Variants in GRIN2A observed in about 807,000 individuals in gnomAD.
The protein encoded by GRIN2A is glutamate ionotropic receptor NMDA type subunit 2A.
A neutral mutation model predicts 113.4 loss-of-function variants in GRIN2A; 22 were observed. That is an observed-to-expected ratio of 0.19 (90% CI 0.14 to 0.28). GRIN2A has a LOEUF of 0.28. Ranked by LOEUF, GRIN2A falls within the 10% of genes least tolerant of loss-of-function variation. The pLI is 1.00. For synonymous variants in GRIN2A, 827 were observed against 738.4 expected (o/e 1.12, Z -1.94); for missense variants, 1,502 against 1,887.0 (o/e 0.80, Z 3.78).
At chr16:9,954,169 C>T (rs1199160333) in intron 2 of GRIN2A, among the ~76,000 whole-genome samples, 4 of 152,146 alleles carry the variant, frequency 2.6e-5, no homozygotes, top group African/African-American at 9.7e-5. Flanking sequence ...ACGAAGTGAA[C>T]ATTTTTCCTT....
chr16:9,934,708 A>G (rs1331674172), intron 3 of GRIN2A, among the ~76,000 whole-genome samples: 62 of 137,914 alleles, frequency 4.5e-4, no homozygotes, highest in Admixed American at 7.2e-4. Flanking sequence ...AAAAAAAAGG[A>G]GATATAATCC....
intron 2 of GRIN2A, among the ~76,000 whole-genome samples, chr16:10,047,903 C>A (rs2047288002): frequency 6.6e-6 from 1 of 152,160 alleles, no homozygotes; most frequent in Admixed American, 6.5e-5. Flanking sequence ...ACCTTGGTAT[C>A]TGGCTTACTA....
At chr16:9,834,540 C>G (rs998777743) in intron 7 of GRIN2A, among the ~76,000 whole-genome samples, 2 of 152,120 alleles carry the variant, frequency 1.3e-5, no homozygotes, top group African/African-American at 4.8e-5. Context: ...TGCCACCATG[C>G]CTGGCTAATT....
chr16:9,951,606 C>G (rs75313724), intron 2 of GRIN2A, among the ~76,000 whole-genome samples: 2,778 of 152,286 alleles, frequency 0.018, 38 homozygotes, highest in Non-Finnish European at 0.023. Flanking sequence ...TACAATTAAA[C>G]TCTGAGCACA....
intron 2 of GRIN2A, among the ~76,000 whole-genome samples, chr16:10,071,228 C>G (rs1365006674): frequency 6.6e-6 from 1 of 152,186 alleles, no homozygotes; most frequent in African/African-American, 2.4e-5. Context: ...TAGAATCATG[C>G]AGACACATAT....
At chr16:10,068,977 G>T (rs2047700234) in intron 2 of GRIN2A, among the ~76,000 whole-genome samples, 1 of 152,334 alleles carries the variant, frequency 6.6e-6, no homozygotes, top group Non-Finnish European at 1.5e-5. Flanking sequence ...GAGCACAGGT[G>T]CGTGGTGGGG....
Position 9,903,013 on chromosome 16 carries a change from G to A in GRIN2A, c.1008-11913C>T, listed in dbSNP as rs2043962184. Among the ~76,000 whole-genome samples, 3 of 147,486 alleles carry A rather than the reference G, an allele frequency of 2.0e-5. No homozygotes were observed. The Admixed American group carries it at 2.0e-4, about 10-fold the overall frequency. On this transcript the variant is annotated intron_variant, in intron 3 of 12. Transcript: ENST00000330684. ...TGACGGAGTCTCACTCTGTTGCCCA[G>A]GCTGGAGTGCAGTGGTACGATCTCG... is the stretch of plus-strand genomic sequence containing the variant.
chr16:10,005,935 AC>A (rs1233865919), intron 2 of GRIN2A, among the ~76,000 whole-genome samples: 1 of 152,232 alleles, frequency 6.6e-6, no homozygotes, highest in African/African-American at 2.4e-5. Flanking sequence ...TGAATAAACT[AC>A]CTTTGAAACC....
intron 3 of GRIN2A, among the ~76,000 whole-genome samples, chr16:9,929,897 C>T (rs74381847): frequency 6.6e-6 from 1 of 152,280 alleles, no homozygotes; most frequent in East Asian, 1.9e-4. Flanking sequence ...CCCAAACCAC[C>T]TTTCCCTCAA....
intron 2 of GRIN2A, among the ~76,000 whole-genome samples, chr16:10,014,329 C>T (rs1012741811): frequency 3.3e-5 from 5 of 152,224 alleles, no homozygotes; most frequent in Middle Eastern, 3.2e-3. Context: ...GATACCTTGA[C>T]AACTTTACCC....
intron 4 of GRIN2A, among the ~76,000 whole-genome samples, chr16:9,889,661 TATC>T (rs1211227471): frequency 6.6e-6 from 1 of 152,188 alleles, no homozygotes; most frequent in African/African-American, 2.4e-5. Context: ...GTGTTTTCAT[TATC>T]ATTCTGACTA....
At chr16:9,908,763 G>T (rs928844493) in intron 3 of GRIN2A, among the ~76,000 whole-genome samples, 1 of 152,238 alleles carries the variant, frequency 6.6e-6, no homozygotes, top group Non-Finnish European at 1.5e-5. Flanking sequence ...TACGATGAGA[G>T]CAAGAGAGAG....
At chr16:9,832,074 A>T (rs140290854) in intron 8 of GRIN2A, among the ~76,000 whole-genome samples, 1 of 150,384 alleles carries the variant, frequency 6.6e-6, no homozygotes, top group East Asian at 2.0e-4. Context: ...ACGCATCATC[A>T]CGCCAGGCTT....
chr16:9,790,575 A>G (rs1372720206), intron 11 of GRIN2A, among the ~76,000 whole-genome samples: 1 of 152,214 alleles, frequency 6.6e-6, no homozygotes, highest in Non-Finnish European at 1.5e-5. Flanking sequence ...ATATTTGACT[A>G]TTATAATATA....
chr16:10,127,930 G>C lies in GRIN2A; in HGVS notation c.414+52068C>G, dbSNP rs758675642. 8.7e-4 allele frequency among the ~76,000 whole-genome samples: 132 copies of C among 152,138 alleles called. 2 individuals carry two copies. Among genetic ancestry groups the C allele is most frequent in the African/African-American group, 3.0e-3 (124 of 41,498 alleles). On this transcript the variant is annotated intron_variant, in intron 2 of 12. Coordinates refer to ENST00000330684, the MANE Select transcript of GRIN2A (RefSeq NM_001134407.3). Reference sequence around the variant, plus strand: ...CTTGTGGGGGCCTTGGGTCACACCAGAGAGTCTAACAGTGTGATTTAGAGT... The same window carrying C: ...CTTGTGGGGGCCTTGGGTCACACCACAGAGTCTAACAGTGTGATTTAGAGT...
At chr16:10,028,091 T>C (rs2046855890) in intron 2 of GRIN2A, among the ~76,000 whole-genome samples, 1 of 152,204 alleles carries the variant, frequency 6.6e-6, no homozygotes, top group Non-Finnish European at 1.5e-5. Flanking sequence ...TCATCCTTGA[T>C]CAGTGACACA....
chr16:9,859,601 C>A (rs1467022203), intron 4 of GRIN2A, among the ~76,000 whole-genome samples: 1 of 145,152 alleles, frequency 6.9e-6, no homozygotes, highest in African/African-American at 2.6e-5. Flanking sequence ...CACATATACT[C>A]GAACCTCTAC....
chr16:9,834,364 G>A (rs148388905), intron 7 of GRIN2A, 134 bp from the exon 8 acceptor site: 14 of 808,804 alleles, frequency 1.7e-5, no homozygotes, highest in Middle Eastern at 2.3e-4. Flanking sequence ...TTCAAAAGAA[G>A]CTAATCATTT....
chr16:10,119,178 AG>A (rs371417844), intron 2 of GRIN2A, among the ~76,000 whole-genome samples: 1 of 142,096 alleles, frequency 7.0e-6, no homozygotes, highest in Non-Finnish European at 1.6e-5. Flanking sequence ...TACGAAGCTA[AG>A]GGAAAAAAAG....
Sources: allele counts gnomAD v4.1 joint callset (sites outside exome capture counted in the v4.1 genomes callset), GRCh38; gene constraint gnomAD v4.1.1; transcripts MANE v1.5; gene names NCBI Gene and HGNC (gene_info 2026-07-23, HGNC 2026-07-21).